The following SLC14A2 variants were observed in gnomAD, a reference collection of about 807,000 sequenced individuals.
SLC14A2 encodes the protein solute carrier family 14 member 2.
In SLC14A2, 91 loss-of-function variants were observed where a neutral mutation model predicts 104.6. The ratio of observed to expected loss-of-function variants is 0.87; its 90% CI spans 0.73 to 1.04. The LOEUF (loss-of-function observed/expected upper bound fraction) is 1.04, where lower values mean the gene tolerates loss of function less well. Among genes scored for constraint, SLC14A2 ranks in the 50% least tolerant of loss-of-function variants. The pLI, the probability that SLC14A2 is intolerant of heterozygous loss-of-function variation, is 0.00. For synonymous variants in SLC14A2, 476 were observed against 466.4 expected, an observed-to-expected ratio of 1.02 and a Z score of -0.27; for missense variants, 1,189 against 1,156.0, an observed-to-expected ratio of 1.03 and a Z score of -0.41.
intron 1 of SLC14A2, among the ~76,000 whole-genome samples, chr18:45,388,530 G>A (rs1374012231): frequency 6.6e-6 from 1 of 152,132 alleles, no homozygotes; most frequent in Non-Finnish European, 1.5e-5. Flanking sequence ...TGGTATCTAG[G>A]GCTATTTTTC....
intron 1 of SLC14A2, among the ~76,000 whole-genome samples, chr18:45,221,504 C>T (rs749284022): frequency 1.3e-5 from 2 of 152,040 alleles, no homozygotes; most frequent in African/African-American, 2.4e-5. Context: ...TCACTGCAGC[C>T]GGGGAGGCAG....
intron 12 of SLC14A2, 63 bp from the exon 13 acceptor site, chr18:45,666,872 A>G: frequency 1.4e-6 from 2 of 1,422,376 alleles, no homozygotes; most frequent in South Asian, 2.4e-5. Flanking sequence ...GACCACAAAC[A>G]TGAATTCTCA....
chr18:45,569,083 C>A (rs1283497339), intron 2 of SLC14A2, among the ~76,000 whole-genome samples: 1 of 152,200 alleles, frequency 6.6e-6, no homozygotes, highest in Non-Finnish European at 1.5e-5. Context: ...CGATTCTAGC[C>A]TAAGTTGCAC....
At chr18:45,318,297 C>T (rs992058078) in intron 1 of SLC14A2, among the ~76,000 whole-genome samples, 1 of 152,084 alleles carries the variant, frequency 6.6e-6, no homozygotes, top group Non-Finnish European at 1.5e-5. Context: ...TGCTCCTTCC[C>T]TTCCATGTGA....
intron 1 of SLC14A2, among the ~76,000 whole-genome samples, chr18:45,467,868 G>A (rs1290250747): frequency 6.6e-6 from 1 of 152,220 alleles, no homozygotes; most frequent in East Asian, 1.9e-4. Context: ...CCTGGAGGAG[G>A]TGGAGGTAGA....
At chr18:45,416,598 A>G (rs1354734379) in intron 1 of SLC14A2, among the ~76,000 whole-genome samples, 1 of 152,178 alleles carries the variant, frequency 6.6e-6, no homozygotes, top group Non-Finnish European at 1.5e-5. Flanking sequence ...TCTTTGTTGT[A>G]TATGATCATT....
At chr18:45,595,297 G>A (rs200534620) in intron 2 of SLC14A2, among the ~76,000 whole-genome samples, 1 of 152,054 alleles carries the variant, frequency 6.6e-6, no homozygotes, top group African/African-American at 2.4e-5. Flanking sequence ...AGGAATTAAT[G>A]ATAGTTAACA....
intron 2 of SLC14A2, among the ~76,000 whole-genome samples, chr18:45,597,057 T>G (rs953058552): frequency 1.3e-5 from 2 of 152,176 alleles, no homozygotes; most frequent in Non-Finnish European, 2.9e-5. Context: ...CCGGGCACGG[T>G]GGCTCATGCC....
intron 1 of SLC14A2, among the ~76,000 whole-genome samples, chr18:45,234,236 C>T (rs1174427856): frequency 6.6e-6 from 1 of 152,118 alleles, no homozygotes; most frequent in Non-Finnish European, 1.5e-5. Flanking sequence ...AGATGATTGC[C>T]CTAAGATATC....
chr18:45,258,890 T>A (rs998646720), intron 1 of SLC14A2, among the ~76,000 whole-genome samples: 1 of 152,196 alleles, frequency 6.6e-6, no homozygotes, highest in Admixed American at 6.5e-5. Context: ...CTCAATGTAG[T>A]TTCTTCAAAT....
At chr18:45,646,428 A>G (rs1282029736) in intron 10 of SLC14A2, 2 of 152,134 alleles carry the variant, frequency 1.3e-5, no homozygotes, top group African/African-American at 2.4e-5. Flanking sequence ...AAGGCTCCCA[A>G]AGTATTTTAA....
intron 1 of SLC14A2, chr18:45,436,761 A>C (rs1305090416): frequency 6.6e-6 from 1 of 151,980 alleles, no homozygotes; most frequent in East Asian, 1.9e-4. Flanking sequence ...GGATAATTAA[A>C]GCAGAAGCTG....
intron 1 of SLC14A2, among the ~76,000 whole-genome samples, chr18:45,417,395 A>C (rs979778153): frequency 1.3e-5 from 2 of 152,232 alleles, no homozygotes; most frequent in Non-Finnish European, 2.9e-5. Flanking sequence ...TTATAAAAGA[A>C]GGAGATTTAA....
At chr18:45,446,635 A>G (rs1421196) in intron 1 of SLC14A2, among the ~76,000 whole-genome samples, 40,393 of 152,168 alleles carry the variant, frequency 0.27, 5,622 homozygotes, top group South Asian at 0.49. Flanking sequence ...TAGTATCAGC[A>G]TTATTGAAAT....
intron 1 of SLC14A2, among the ~76,000 whole-genome samples, chr18:45,305,778 G>T (rs1332397474): frequency 6.6e-6 from 1 of 152,026 alleles, no homozygotes; most frequent in African/African-American, 2.4e-5. Flanking sequence ...GCATTTTTAT[G>T]ACTCCAAATG....
chr18:45,466,147 C>G (rs990697957), intron 1 of SLC14A2, among the ~76,000 whole-genome samples: 1 of 152,088 alleles, frequency 6.6e-6, no homozygotes, highest in Non-Finnish European at 1.5e-5. Flanking sequence ...GTGCTTATCT[C>G]GGTCAGGTCA....
chr18:45,496,475 G>A (rs1358628841), intron 2 of SLC14A2, among the ~76,000 whole-genome samples: 3 of 152,114 alleles, frequency 2.0e-5, no homozygotes, highest in Non-Finnish European at 2.9e-5. Flanking sequence ...GGCAGAAGAA[G>A]GTGGGATAAC....
intron 1 of SLC14A2, among the ~76,000 whole-genome samples, chr18:45,391,102 C>G (rs1355392481): frequency 6.6e-6 from 1 of 152,098 alleles, no homozygotes; most frequent in Non-Finnish European, 1.5e-5. Flanking sequence ...ACAACAGGCC[C>G]TGGTGTGTGA....
At chr18:45,505,207 T>G (rs570222244) in intron 2 of SLC14A2, among the ~76,000 whole-genome samples, 3 of 152,116 alleles carry the variant, frequency 2.0e-5, no homozygotes, top group Non-Finnish European at 4.4e-5. Context: ...TAGTCCAGTG[T>G]GCATCCAGTG....
Sources: allele counts gnomAD v4.1 joint callset (sites outside exome capture counted in the v4.1 genomes callset), GRCh38; gene constraint gnomAD v4.1.1; transcripts MANE v1.5; gene names NCBI Gene and HGNC (gene_info 2026-07-23, HGNC 2026-07-21).